SLC26A4: variants seen among roughly 807,000 people sequenced by gnomAD.
SLC26A4 encodes the protein pendrin.
SLC26A4 carries 93 observed loss-of-function variants against 90.4 expected under a neutral mutation model. The ratio of observed to expected loss-of-function variants is 1.03; its 90% CI spans 0.87 to 1.22. The LOEUF is 1.22. SLC26A4 is among the 50% of genes most tolerant of loss of function. SLC26A4 has a pLI of 0.00. For missense variants in SLC26A4, 1,127 were observed against 946.2 expected (o/e 1.19, Z -2.51); for synonymous variants, 393 against 354.6 (o/e 1.11, Z -1.22).
Position 107,661,990 on chromosome 7 carries a change from G to A in SLC26A4, c.164+185G>A. The A allele has an allele frequency of 4.6e-6, 3 of 651,068 alleles. No homozygotes were observed. The highest frequency in any genetic ancestry group is 4.2e-4 in the Middle Eastern group (1 of 2,358). 40.3% of individuals were successfully genotyped at this position (651,068 alleles called of 1,614,324 possible). ...CACGCCGCCCTTCTGGTGGGAGGGT[G>A]GCTCCATCAGTCTCGGGCCCGAAAT... On this transcript the variant is annotated intron_variant, in intron 2 of 20. Coordinates refer to ENST00000644269, the MANE Select transcript of SLC26A4 (RefSeq NM_000441.2). This position sits in a 1 kb window ranked among gnomAD's most constrained non-coding sequence, Gnocchi z 5.1.
intron 18 of SLC26A4, among the ~76,000 whole-genome samples, chr7:107,705,383 G>C (rs1294202755): frequency 1.3e-5 from 2 of 152,186 alleles, no homozygotes; most frequent in African/African-American, 4.8e-5. Context: ...AAAACTTTGA[G>C]AGGGTATAAT....
rs139648097 is a variant in SLC26A4, at chr7:107,715,401, T to C, written c.2320-22T>C. ...GGAGAATTCAGTTGTATCAACACTTTGTTTTCCCCTTGCTTCCACAGGCTA... is the reference window on the plus strand; with the variant it reads ...GGAGAATTCAGTTGTATCAACACTTCGTTTTCCCCTTGCTTCCACAGGCTA... On this transcript the variant is annotated intron_variant, in intron 20 of 20. Coordinates refer to ENST00000644269, the MANE Select transcript of SLC26A4 (RefSeq NM_000441.2). The C allele has an allele frequency of 6.9e-3, 11,094 of 1,608,912 alleles. 54 individuals are homozygous for C. The highest frequency in any genetic ancestry group is 8.6e-3 in the Non-Finnish European group (10,120 of 1,175,172).
At chr7:107,691,544 C>CACACACACACACAA (rs1197497894) in intron 10 of SLC26A4, among the ~76,000 whole-genome samples, 2 of 82,850 alleles carry the variant, frequency 2.4e-5, no homozygotes, top group African/African-American at 7.2e-5. Flanking sequence ...CACACACACA[C>CACACACACACACAA]AAACATATAT....
chr7:107,710,067 A>G lies in SLC26A4; in HGVS notation c.2103A>G (p.Glu701=). The G allele has an allele frequency of 6.2e-7, 1 of 1,613,474 alleles. No homozygotes were observed. The highest frequency in any genetic ancestry group is 8.5e-7 in the Non-Finnish European group (1 of 1,179,424). Residue 701 remains glutamate (E), a synonymous_variant, in exon 19 of 21, where the codon GAA becomes GAG. Coordinates refer to ENST00000644269, the MANE Select transcript of SLC26A4 (RefSeq NM_000441.2). ...YFASLQDYVI[E]KLEQCGFFDD... ...TTTCTTTTGAAGATTATGTGATAGA[A>G]AAGCTGGAGCAATGCGGGTTCTTTG...
chr7:107,691,400 G>A (rs1302872956), intron 10 of SLC26A4, among the ~76,000 whole-genome samples: 1 of 151,788 alleles, frequency 6.6e-6, no homozygotes, highest in Non-Finnish European at 1.5e-5. Flanking sequence ...TACTTGGGAG[G>A]CTGAGGCAGG....
At chr7:107,665,834 G>A (rs1167940220) in intron 3 of SLC26A4, among the ~76,000 whole-genome samples, 1 of 152,212 alleles carries the variant, frequency 6.6e-6, no homozygotes, top group Non-Finnish European at 1.5e-5. Context: ...TGGCTGGTAA[G>A]TGGTACAGCT....
At chr7:107,693,296 A>T in intron 10 of SLC26A4, 1 of 985,450 alleles carries the variant, frequency 1.0e-6, no homozygotes, top group Non-Finnish European at 1.2e-6. Context: ...CCAGCCAGAC[A>T]TACAAAGCAC....
At chr7:107,701,776 G>A in intron 16 of SLC26A4, 51 bp from the exon 17 acceptor site, 1 of 1,197,422 alleles carries the variant, frequency 8.4e-7, no homozygotes, top group Non-Finnish European at 1.2e-6. Context: ...ATGAATGGTT[G>A]AAAGATTTCA....
intron 18 of SLC26A4, among the ~76,000 whole-genome samples, chr7:107,708,974 G>T (rs146155999): frequency 1.1e-3 from 169 of 152,308 alleles, no homozygotes; most frequent in Middle Eastern, 3.4e-3. Flanking sequence ...GGCTTAGGTT[G>T]AATTCTTTAG....
intron 9 of SLC26A4, among the ~76,000 whole-genome samples, chr7:107,689,647 A>G (rs1427060429): frequency 6.6e-6 from 1 of 152,226 alleles, no homozygotes; most frequent in African/African-American, 2.4e-5. Context: ...CATGTGATAC[A>G]TTGCCAGGTA....
intron 6 of SLC26A4, among the ~76,000 whole-genome samples, chr7:107,680,349 A>T (rs865776184): frequency 2.2e-4 from 30 of 138,718 alleles, no homozygotes; most frequent in South Asian, 4.4e-4. Context: ...ATAATGTTAT[A>T]TTATTATATA....
intron 3 of SLC26A4, among the ~76,000 whole-genome samples, chr7:107,671,420 C>G (rs1790863355): frequency 6.6e-6 from 1 of 152,176 alleles, no homozygotes; most frequent in African/African-American, 2.4e-5. Flanking sequence ...TATGGCTTCC[C>G]AAAGCACTGG....
intron 5 of SLC26A4, among the ~76,000 whole-genome samples, chr7:107,674,592 A>G (rs1340509660): frequency 6.6e-6 from 1 of 152,238 alleles, no homozygotes; most frequent in African/African-American, 2.4e-5. Flanking sequence ...GTGTGATTCA[A>G]TTGAGGATGA....
Position 107,698,105 on chromosome 7 carries a change from CA to C in SLC26A4, c.1613del (p.Asn538ThrfsTer8). 1 of 1,601,336 alleles carries C rather than the reference CA, an allele frequency of 6.2e-7. No homozygotes were observed. Among genetic ancestry groups the C allele is most frequent in the Non-Finnish European group, 8.6e-7 (1 of 1,168,520 alleles). On this transcript the variant is annotated frameshift_variant, in exon 14 of 21. Transcript: ENST00000644269. LOFTEE classifies it high-confidence loss of function. ...TDIYKSTKNY[K>X]NIEEPQGVKI... is the part of the protein sequence containing the mutation. ...ATATCTACAAAAGTACCAAGAATTACAAAAACGTAAGTACCTTTGTGAGACA... is the reference window on the plus strand; with the variant it reads ...ATATCTACAAAAGTACCAAGAATTACAAAACGTAAGTACCTTTGTGAGACA...
At position 107,715,489 on chromosome 7, in the gene SLC26A4, A is replaced by G. The variant is rs1365034952; in HGVS notation, c.*43A>G. 1.4e-6 allele frequency: 2 copies of G among 1,453,922 alleles called. No individual in the cohort carries two copies. The highest frequency in any genetic ancestry group is 1.4e-5 in the African/African-American group (1 of 71,882). The allele number at this position is 1,453,922 out of a possible 1,614,324, so 90.1% of individuals were successfully genotyped here. Reference sequence around the variant, plus strand: ...CTCTATGAGCAAGGAATACAAGACAAAACTTCCTCAATGCATTGACTATTT... The same window carrying G: ...CTCTATGAGCAAGGAATACAAGACAGAACTTCCTCAATGCATTGACTATTT... On this transcript the variant is annotated 3_prime_UTR_variant, in exon 21 of 21. Coordinates refer to ENST00000644269, the MANE Select transcript of SLC26A4 (RefSeq NM_000441.2).
In SLC26A4 at chr7:107,683,159, C is replaced by A. The variant is rs756966748; in HGVS notation, c.766-43C>A. 6.0e-6 allele frequency: 9 copies of A among 1,489,870 alleles called. No individual in the cohort carries two copies. In the East Asian group the frequency reaches 1.4e-4, roughly 23 times the overall value. The allele number at this position is 1,489,870 out of a possible 1,614,324, so 92.3% of individuals were successfully genotyped here. Reference sequence around the variant, plus strand: ...GTGTGCGTGTGTGTGTGCTCGTGTGCGTGTAGCAGCAGGAAGTATATAAAA... The same window carrying A: ...GTGTGCGTGTGTGTGTGCTCGTGTGAGTGTAGCAGCAGGAAGTATATAAAA... On this transcript the variant is annotated intron_variant, in intron 6 of 20. Coordinates refer to ENST00000644269, the MANE Select transcript of SLC26A4 (RefSeq NM_000441.2).
Position 107,716,646 on chromosome 7 carries a change from G to A in SLC26A4, c.*1200G>A, listed in dbSNP as rs549659217. ...TTTCTAGATATTATATACAACACAG[G>A]CTTTGATCTTGGGGACTTTTCCCAT... On this transcript the variant is annotated 3_prime_UTR_variant, in exon 21 of 21. Coordinates refer to ENST00000644269, the MANE Select transcript of SLC26A4 (RefSeq NM_000441.2). The A allele has an allele frequency of 1.4e-4, 21 of 151,954 alleles. No individual in the cohort carries two copies. The highest frequency in any genetic ancestry group is 2.8e-4 in the Non-Finnish European group (19 of 67,970). 9.4% of individuals were successfully genotyped at this position (151,954 alleles called of 1,614,324 possible). A position where few individuals can be genotyped will look rare whatever the true frequency, so the allele number is the denominator to read the frequency against.
At chr7:107,701,734 GA>G in intron 16 of SLC26A4, 92 bp from the exon 17 acceptor site, 1 of 863,734 alleles carries the variant, frequency 1.2e-6, no homozygotes, top group South Asian at 1.4e-5. Flanking sequence ...GCTTACCAAG[GA>G]ACAGTGTGTA....
chr7:107,693,427 G>A (rs1791634967), intron 10 of SLC26A4: 1 of 985,352 alleles, frequency 1.0e-6, no homozygotes, highest in Non-Finnish European at 1.2e-6. Context: ...TATTTGCTGT[G>A]TCTGTCTCCC....
Sources: allele counts gnomAD v4.1 joint callset (sites outside exome capture counted in the v4.1 genomes callset), GRCh38; gene constraint gnomAD v4.1.1; non-coding constraint Gnocchi (gnomAD v3.1); transcripts MANE v1.5; gene names NCBI Gene and HGNC (gene_info 2026-07-23, HGNC 2026-07-21).